Variants in DNAJC3 observed in about 807,000 individuals in gnomAD.
DNAJC3 encodes the protein DnaJ heat shock protein family (Hsp40) member C3.
In DNAJC3, 38 loss-of-function variants were observed where a neutral mutation model predicts 68.6. The observed-to-expected ratio is 0.55, with a 90% CI of 0.43 to 0.73. The LOEUF (loss-of-function observed/expected upper bound fraction) is 0.73. Among genes scored for constraint, DNAJC3 ranks in the 30% least tolerant of loss-of-function variants. DNAJC3 has a pLI of 0.00. For synonymous variants in DNAJC3, 203 were observed against 204.0 expected (o/e 1.00, Z 0.04); for missense variants, 526 against 591.9 (o/e 0.89, Z 1.16).
intron 1 of DNAJC3, among the ~76,000 whole-genome samples, chr13:95,687,730 T>C (rs1880107423): frequency 6.6e-6 from 1 of 152,228 alleles, no homozygotes; most frequent in African/African-American, 2.4e-5. Flanking sequence ...TTAGTTCTTT[T>C]TGCTAAGGAT....
chr13:95,677,667 G>A (rs1879797558), intron 1 of DNAJC3, among the ~76,000 whole-genome samples: 1 of 152,236 alleles, frequency 6.6e-6, no homozygotes, highest in South Asian at 2.1e-4. Context: ...TTGGGTCCTG[G>A]CCTCGCTTGG....
At chr13:95,781,725 T>C (rs764990707) in intron 9 of DNAJC3, among the ~76,000 whole-genome samples, 3 of 146,336 alleles carry the variant, frequency 2.1e-5, no homozygotes, top group African/African-American at 4.9e-5. Flanking sequence ...TGGTATTCTT[T>C]ATCTAGGGCT....
chr13:95,722,837 C>CCCG (rs1464788125), intron 2 of DNAJC3, among the ~76,000 whole-genome samples: 1 of 30,820 alleles, frequency 3.2e-5, no homozygotes, highest in African/African-American at 1.1e-4. Context: ...CCCCCCCCCC[C>CCCG]CCGCCGAAAA....
intron 1 of DNAJC3, chr13:95,695,083 A>T (rs779563044): frequency 2.6e-5 from 4 of 152,212 alleles, no homozygotes; most frequent in African/African-American, 4.8e-5. Flanking sequence ...CTCAGTTGAT[A>T]AAGCCACTAT....
chr13:95,679,220 T>G (rs1879850966), intron 1 of DNAJC3, among the ~76,000 whole-genome samples: 1 of 122,766 alleles, frequency 8.1e-6, no homozygotes, highest in South Asian at 2.6e-4. Flanking sequence ...TTTTTTTTTT[T>G]GTAATTAACA....
intron 1 of DNAJC3, among the ~76,000 whole-genome samples, chr13:95,692,012 C>G (rs1880283025): frequency 6.6e-6 from 1 of 152,012 alleles, no homozygotes; most frequent in Non-Finnish European, 1.5e-5. Flanking sequence ...GCAGCACCAT[C>G]CAGCTTCAGC....
At chr13:95,737,430 G>A (rs898127809) in intron 4 of DNAJC3, among the ~76,000 whole-genome samples, 1 of 151,482 alleles carries the variant, frequency 6.6e-6, no homozygotes, top group African/African-American at 2.4e-5. Flanking sequence ...GGTAGAATTT[G>A]GCTGTGAATC....
chr13:95,677,654 C>T (rs968502871), intron 1 of DNAJC3, among the ~76,000 whole-genome samples: 9 of 152,226 alleles, frequency 5.9e-5, no homozygotes, highest in African/African-American at 2.2e-4. Flanking sequence ...ACTTGGGCAG[C>T]CTTTGGGTCC....
At chr13:95,776,527 C>T (rs999399822) in intron 9 of DNAJC3, among the ~76,000 whole-genome samples, 3 of 152,142 alleles carry the variant, frequency 2.0e-5, no homozygotes, top group African/African-American at 7.2e-5. Flanking sequence ...AGCACATTTG[C>T]ATTGATCGAT....
intron 5 of DNAJC3, 34 bp downstream of exon 5, chr13:95,757,830 G>C: frequency 6.7e-7 from 1 of 1,490,764 alleles, no homozygotes; most frequent in Non-Finnish European, 9.1e-7. Context: ...TGACCAGCCT[G>C]ACACTTATTG....
chr13:95,787,222 G>A, intron 11 of DNAJC3, 67 bp downstream of exon 11: 1 of 1,559,626 alleles, frequency 6.4e-7, no homozygotes, highest in Middle Eastern at 1.7e-4. Context: ...TGGAACATGT[G>A]GTGGGTTCTC....
chr13:95,680,210 A>G (rs766194607), intron 1 of DNAJC3, among the ~76,000 whole-genome samples: 1 of 152,228 alleles, frequency 6.6e-6, no homozygotes, highest in Non-Finnish European at 1.5e-5. Context: ...CAGCCTGGGA[A>G]CGAAACCTTT....
intron 2 of DNAJC3, among the ~76,000 whole-genome samples, chr13:95,711,358 G>A (rs79419097): frequency 2.0e-4 from 30 of 152,160 alleles, no homozygotes; most frequent in South Asian, 8.3e-4. Context: ...TTAGCCAAGC[G>A]TGGTGGTGGC....
Position 95,677,405 on chromosome 13 carries a change from C to T in DNAJC3, c.82+68C>T, listed in dbSNP as rs1879787179. ...CAGGCCCCCCGCGCTTTCCCGTCTG[C>T]GCCCGGGCGCCTGTCCCGGAGCGGC... is the stretch of plus-strand genomic sequence containing the variant. On this transcript the variant is annotated intron_variant, in intron 1 of 11. Transcript: ENST00000602402. 15 of 1,471,570 alleles carry T rather than the reference C, an allele frequency of 1.0e-5. No homozygotes were observed. The South Asian group carries it at 1.8e-4, about 17-fold the overall frequency. 91.2% of individuals were successfully genotyped at this position (1,471,570 alleles called of 1,614,324 possible).
intron 11 of DNAJC3, among the ~76,000 whole-genome samples, chr13:95,789,416 G>T (rs1292152984): frequency 1.3e-5 from 2 of 152,098 alleles, no homozygotes; most frequent in Non-Finnish European, 2.9e-5. Context: ...TTGGTTTTCT[G>T]TTCCTGCATT....
chr13:95,779,115 CTTTCTTTTT>C (rs1435105093), intron 9 of DNAJC3, among the ~76,000 whole-genome samples: 2 of 122,298 alleles, frequency 1.6e-5, no homozygotes, highest in African/African-American at 6.4e-5. Flanking sequence ...ATATTTTCTT[CTTTCTTTTT>C]TTTTTTTTTT....
Position 95,677,351 on chromosome 13 carries a change from T to TGCCCC in DNAJC3, c.82+16_82+20dup, listed in dbSNP as rs754085706. The stretch of plus-strand genomic sequence containing the variant: ...TGCAGTACGAAGGTGAGTCCTGCCC[T>TGCCCC]GCCCCGGCCAGGAAGTGGGCTCCCG... On this transcript the variant is annotated intron_variant, in intron 1 of 11. Transcript: ENST00000602402. 6.3e-7 allele frequency: 1 copy of TGCCCC among 1,574,834 alleles called. No individual in the cohort carries two copies. The highest frequency in any genetic ancestry group is 2.5e-5 in the East Asian group (1 of 40,358).
At chr13:95,763,392 C>T (rs902561353) in intron 7 of DNAJC3, among the ~76,000 whole-genome samples, 1 of 152,184 alleles carries the variant, frequency 6.6e-6, no homozygotes, top group African/African-American at 2.4e-5. Context: ...TTGATTGGTA[C>T]TTATACTCAC....
chr13:95,726,619 G>GA (rs1298949435), intron 4 of DNAJC3, among the ~76,000 whole-genome samples: 1 of 152,130 alleles, frequency 6.6e-6, no homozygotes, highest in Non-Finnish European at 1.5e-5. Context: ...GAATGTTACA[G>GA]ATTTTGTGTC....
Sources: allele counts gnomAD v4.1 joint callset (sites outside exome capture counted in the v4.1 genomes callset), GRCh38; gene constraint gnomAD v4.1.1; transcripts MANE v1.5; gene names NCBI Gene and HGNC (gene_info 2026-07-23, HGNC 2026-07-21).